TG: variants seen among roughly 807,000 people sequenced by gnomAD.
TG encodes the protein thyroid hormones.
TG carries 270 observed loss-of-function variants against 324.7 expected under a neutral mutation model. The ratio of observed to expected loss-of-function variants is 0.83; its 90% CI spans 0.75 to 0.92. The LOEUF (loss-of-function observed/expected upper bound fraction) is 0.92, where lower values mean the gene tolerates loss of function less well. Ranked by LOEUF, TG falls within the 40% of genes least tolerant of loss-of-function variation. The pLI, the probability that TG is intolerant of heterozygous loss-of-function variation, is 0.00. For synonymous variants in TG, 1,401 were observed against 1,327.0 expected (o/e 1.06, Z -1.21); for missense variants, 3,591 against 3,456.4 (o/e 1.04, Z -0.98).
At chr8:132,922,110 G>A (rs1821192290) in intron 21 of TG, among the ~76,000 whole-genome samples, 1 of 152,192 alleles carries the variant, frequency 6.6e-6, no homozygotes, top group African/African-American at 2.4e-5. Context: ...TCCTCAAGGA[G>A]TTTAGAGTCT....
At chr8:132,904,804 G>T (rs1238407711) in intron 16 of TG, among the ~76,000 whole-genome samples, 1 of 152,128 alleles carries the variant, frequency 6.6e-6, no homozygotes, top group Non-Finnish European at 1.5e-5. Context: ...GGGATAAGAG[G>T]GGAAACCTGT....
At chr8:132,907,248 G>C (rs1393139107) in intron 17 of TG, among the ~76,000 whole-genome samples, 1 of 152,114 alleles carries the variant, frequency 6.6e-6, no homozygotes, top group Admixed American at 6.6e-5. Flanking sequence ...ATGCTCAGCA[G>C]CTCTGACATG....
intron 21 of TG, 41 bp from the exon 22 acceptor site, chr8:132,923,297 G>A: frequency 6.2e-7 from 1 of 1,611,946 alleles, no homozygotes; most frequent in Non-Finnish European, 8.5e-7. Flanking sequence ...GGGGATTCCA[G>A]AGGCCCATTA....
At chr8:133,059,705 G>A (rs1476446721) in intron 41 of TG, among the ~76,000 whole-genome samples, 1 of 152,184 alleles carries the variant, frequency 6.6e-6, no homozygotes, top group African/African-American at 2.4e-5. Flanking sequence ...TATATTATGG[G>A]CTGCCAGAGT....
In TG at chr8:133,022,052, G is replaced by C; in HGVS notation, c.6938G>C (p.Gly2313Ala). The change falls in exon 40 of 48, where the codon GGA becomes GCA. Residue 2313 changes from glycine to alanine, a missense_variant. By Grantham distance (60) the Gly-to-Ala change is moderately conservative. Coordinates refer to ENST00000220616, the MANE Select transcript of TG (RefSeq NM_003235.5). ...HNTMDREESE[G>A]WPAIDGSFLA... ...ACCATGGACAGGGAGGAGAGTGAAG[G>C]ATGGCCGGCTATCGACGGCTCCTTC... The C allele has an allele frequency of 1.2e-6, 2 of 1,614,162 alleles. No homozygotes were observed. The highest frequency in any genetic ancestry group is 2.2e-5 in the South Asian group (2 of 91,080).
intron 43 of TG, among the ~76,000 whole-genome samples, chr8:133,096,872 G>A (rs1848498239): frequency 6.6e-6 from 1 of 152,230 alleles, no homozygotes; most frequent in African/African-American, 2.4e-5. Context: ...TGTGTGGCTT[G>A]CTGGAGGCAC....
chr8:132,923,707 ACT>A (rs945093003), intron 22 of TG, among the ~76,000 whole-genome samples, 199 bp downstream of exon 22: 2 of 152,080 alleles, frequency 1.3e-5, no homozygotes, highest in African/African-American at 2.4e-5. Context: ...TTAACATTTC[ACT>A]CTCTCTTTTT....
At chr8:133,090,629 T>A (rs780858707) in intron 41 of TG, among the ~76,000 whole-genome samples, 1 of 152,228 alleles carries the variant, frequency 6.6e-6, no homozygotes, top group African/African-American at 2.4e-5. Context: ...ACATTCCTAA[T>A]GATGAATACA....
At chr8:133,134,582 TG>T in intron 47 of TG, 93 bp from the exon 48 acceptor site, 1 of 1,167,224 alleles carries the variant, frequency 8.6e-7, no homozygotes, top group African/African-American at 1.5e-5. Context: ...AAATGTCCAC[TG>T]GAGGCTGGGG....
intron 43 of TG, among the ~76,000 whole-genome samples, chr8:133,104,594 C>T (rs577859804): frequency 2.0e-4 from 30 of 152,160 alleles, no homozygotes; most frequent in Admixed American, 3.3e-4. Flanking sequence ...CAAGAAAATG[C>T]GGTATCACAA....
chr8:132,947,736 A>G (rs1472106060), intron 26 of TG, among the ~76,000 whole-genome samples: 1 of 152,210 alleles, frequency 6.6e-6, no homozygotes, highest in Non-Finnish European at 1.5e-5. Context: ...AATATCCTCA[A>G]GCAGCTTAAT....
chr8:132,977,393 A>G (rs1270824473), intron 34 of TG, among the ~76,000 whole-genome samples: 1 of 152,164 alleles, frequency 6.6e-6, no homozygotes, highest in Non-Finnish European at 1.5e-5. Context: ...CTTCAAGTCC[A>G]TGGTTTGGTC....
rs936442950 is a variant in TG at position 132,966,777 on chromosome 8, A to T, written c.5686+80A>T. The T allele has an allele frequency of 2.2e-5, 35 of 1,602,228 alleles. 1 individual carries two copies. The African/African-American group carries it at 3.9e-4, about 18-fold the overall frequency. ...CAGGCCAAGTCTGGCAACTCCTGAG[A>T]CACAGATAAGGCCAAATTTTGTGTC... On this transcript the variant is annotated intron_variant, in intron 30 of 47. Coordinates refer to ENST00000220616, the MANE Select transcript of TG (RefSeq NM_003235.5).
intron 10 of TG, 102 bp downstream of exon 10, chr8:132,888,670 G>A: frequency 7.9e-7 from 1 of 1,258,734 alleles, no homozygotes; most frequent in Non-Finnish European, 1.1e-6. Flanking sequence ...AGGGTATTGA[G>A]TGTCAAAGCT....
In TG at chr8:133,120,748, T is replaced by A. The variant is rs116553767; in HGVS notation, c.7862+4032T>A. Among the ~76,000 whole-genome samples, 1,261 of 152,330 alleles carry A rather than the reference T, an allele frequency of 8.3e-3. 17 individuals are homozygous for A. Among genetic ancestry groups the A allele is most frequent in the African/African-American group, 0.029 (1,198 of 41,566 alleles). On this transcript the variant is annotated intron_variant, in intron 45 of 47. Coordinates refer to ENST00000220616, the MANE Select transcript of TG (RefSeq NM_003235.5). ...GATTCTATCTCTAAATAAGGTCCCA[T>A]TCTGGGGTACTAGGGGTAAGGACCC...
intron 29 of TG, among the ~76,000 whole-genome samples, chr8:132,963,670 AGTGT>A (rs57531255): frequency 0.22 from 31,348 of 145,016 alleles, 3,551 homozygotes; most frequent in East Asian, 0.48. Context: ...TGTGGTCTGC[AGTGT>A]GTGTGTGTGT....
At chr8:132,901,222 G>A (rs1384093965) in intron 15 of TG, 131 bp from the exon 16 acceptor site, 1 of 1,046,856 alleles carries the variant, frequency 9.6e-7, no homozygotes, top group South Asian at 1.3e-5. Context: ...TGGGGAGGCA[G>A]CCCCAGACCC....
chr8:132,958,738 C>T (rs1419300889), intron 27 of TG, among the ~76,000 whole-genome samples: 1 of 151,838 alleles, frequency 6.6e-6, no homozygotes, highest in African/African-American at 2.4e-5. Flanking sequence ...AAAAAATTAT[C>T]TGATTTCCCT....
rs1314886731 is a variant in TG at position 133,116,731 on chromosome 8, G to A, written c.7862+15G>A. The A allele has an allele frequency of 1.2e-6, 2 of 1,608,752 alleles. No homozygotes were observed. Among genetic ancestry groups the A allele is most frequent in the Non-Finnish European group, 1.7e-6 (2 of 1,175,128 alleles). Reference sequence around the variant, plus strand: ...GGCCATGGCAGGTAAGACGCTGCAGGGAAGCAGAGAAAGGAAGGTAAAACC... The same window carrying A: ...GGCCATGGCAGGTAAGACGCTGCAGAGAAGCAGAGAAAGGAAGGTAAAACC... On this transcript the variant is annotated intron_variant, in intron 45 of 47. Transcript: ENST00000220616.
Sources: allele counts gnomAD v4.1 joint callset (sites outside exome capture counted in the v4.1 genomes callset), GRCh38; gene constraint gnomAD v4.1.1; transcripts MANE v1.5; gene names NCBI Gene and HGNC (gene_info 2026-07-23, HGNC 2026-07-21).